Variants in SLC25A30 observed in about 807,000 individuals in gnomAD.
The protein encoded by SLC25A30 is solute carrier family 25 member 30.
In SLC25A30, 29 loss-of-function variants were observed where a neutral mutation model predicts 42.7. The ratio of observed to expected loss-of-function variants is 0.68; its 90% CI spans 0.51 to 0.93. The LOEUF is 0.93. Ranked by LOEUF, SLC25A30 falls within the 40% of genes least tolerant of loss-of-function variation. The pLI is 0.00. For synonymous variants in SLC25A30, 124 were observed against 131.0 expected (o/e 0.95, Z 0.37); for missense variants, 300 against 359.7 (o/e 0.83, Z 1.34).
At chr13:45,424,891 T>G in the SLC25A30 span, among the ~76,000 whole-genome samples, 55 of 36,346 alleles carry the variant, frequency 1.5e-3, 2 homozygotes, top group African/African-American at 5.3e-3. Flanking sequence ...TAAATATATA[T>G]TTAAATATAT....
chr13:45,397,590 G>A (rs1881480177), intron 8 of SLC25A30: 2 of 299,800 alleles, frequency 6.7e-6, no homozygotes, highest in African/African-American at 2.2e-5. Flanking sequence ...CAGCTACTCG[G>A]GAGGCTGAGG....
chr13:45,425,155 G>A, the SLC25A30 span, among the ~76,000 whole-genome samples: 17 of 44,764 alleles, frequency 3.8e-4, 1 homozygote, highest in African/African-American at 7.3e-4. Flanking sequence ...TAAATATATT[G>A]ATAAATATAT....
chr13:45,418,267 G>A (rs1883718549), intron 1 of SLC25A30, 33 bp downstream of exon 1: 2 of 152,456 alleles, frequency 1.3e-5, no homozygotes, highest in African/African-American at 4.8e-5. Context: ...GAGAAAGCGG[G>A]GCCGGCAGGA....
At chr13:45,422,442 C>T (rs1883911554), upstream of SLC25A30, among the ~76,000 whole-genome samples, 1 of 152,130 alleles carries the variant, frequency 6.6e-6, no homozygotes, top group Non-Finnish European at 1.5e-5. Context: ...CCTGGATAGG[C>T]CAGTGTTCCT....
chr13:45,411,525 A>T, intron 1 of SLC25A30, 45 bp from the exon 2 acceptor site: 2 of 1,227,632 alleles, frequency 1.6e-6, no homozygotes, highest in Non-Finnish European at 2.4e-6. Flanking sequence ...CTTCTCACAC[A>T]GGCAGTTTCT....
intron 7 of SLC25A30, among the ~76,000 whole-genome samples, 192 bp downstream of exon 7, chr13:45,400,891 C>A (rs565051930): frequency 6.6e-6 from 1 of 152,132 alleles, no homozygotes; most frequent in Non-Finnish European, 1.5e-5. Flanking sequence ...GACATATTTG[C>A]ATACACGTAG....
chr13:45,411,607 G>A (rs1883035471), intron 1 of SLC25A30, 127 bp from the exon 2 acceptor site: 2 of 608,784 alleles, frequency 3.3e-6, no homozygotes, highest in South Asian at 1.9e-5. Flanking sequence ...TTCCCAAGGG[G>A]AGCCTCCCCT....
intron 1 of SLC25A30, among the ~76,000 whole-genome samples, chr13:45,412,471 G>A (rs1044294177): frequency 6.6e-6 from 1 of 152,050 alleles, no homozygotes; most frequent in Admixed American, 6.6e-5. Flanking sequence ...CAGCTGTGAG[G>A]CAGTTTGGCA....
chr13:45,425,303 T>C, the SLC25A30 span, among the ~76,000 whole-genome samples: 2 of 98,430 alleles, frequency 2.0e-5, no homozygotes, highest in East Asian at 5.1e-4. Flanking sequence ...TATATACGTA[T>C]ATATAAATAT....
chr13:45,407,930 A>C (rs1265699921), intron 3 of SLC25A30, among the ~76,000 whole-genome samples: 1 of 152,148 alleles, frequency 6.6e-6, no homozygotes, highest in African/African-American at 2.4e-5. Flanking sequence ...CCTCATCCCC[A>C]AAACCAATTC....
the SLC25A30 span, among the ~76,000 whole-genome samples, chr13:45,427,236 C>T: frequency 5.3e-5 from 8 of 152,272 alleles, no homozygotes; most frequent in Middle Eastern, 6.8e-3. Context: ...ATCTTCCTGT[C>T]TCTCAATCCT....
the SLC25A30 span, among the ~76,000 whole-genome samples, chr13:45,425,340 A>T: frequency 1.8e-5 from 2 of 109,212 alleles, no homozygotes; most frequent in East Asian, 2.5e-4. Flanking sequence ...ATATATAAGT[A>T]TATATAACTA....
chr13:45,409,019 A>G lies in SLC25A30; in HGVS notation c.120T>C (p.Asn40=). 1 of 1,613,542 alleles carries G rather than the reference A, an allele frequency of 6.2e-7. No homozygotes were observed. Among genetic ancestry groups the G allele is most frequent in the African/African-American group, 1.3e-5 (1 of 75,026 alleles). The change falls in exon 3 of 10, where the codon AAT becomes AAC. Residue 40 remains asparagine, a synonymous_variant. Transcript: ENST00000519676. The part of the protein sequence containing the change: ...KTRLQIQGQT[N]DAKFKEIRYR... ...ATCTAATTTCCTTAAATTTTGCATC[A>G]TTCGTCTGGCCTTGAATCTGGAGCC... is the stretch of plus-strand genomic sequence containing the variant.
At chr13:45,425,265 TACGTATAC>T in the SLC25A30 span, among the ~76,000 whole-genome samples, 1 of 105,426 alleles carries the variant, frequency 9.5e-6, no homozygotes, top group Non-Finnish European at 1.7e-5. Context: ...TACGTATATA[TACGTATAC>T]ATATAAATAT....
chr13:45,408,819 C>G (rs1353659561), intron 3 of SLC25A30, 108 bp downstream of exon 3: 1 of 1,003,004 alleles, frequency 1.0e-6, no homozygotes, highest in African/African-American at 1.6e-5. Context: ...TTGTTCTTTT[C>G]AAACACACCT....
intron 1 of SLC25A30, among the ~76,000 whole-genome samples, chr13:45,416,639 T>TA: frequency 6.6e-6 from 1 of 151,930 alleles, no homozygotes; most frequent in East Asian, 1.9e-4. Flanking sequence ...GGTATGGTGG[T>TA]ACGCGACTCT....
At chr13:45,425,393 T>G in the SLC25A30 span, among the ~76,000 whole-genome samples, 3 of 111,616 alleles carry the variant, frequency 2.7e-5, no homozygotes, top group East Asian at 7.2e-4. Context: ...TATATGAAAA[T>G]ATATATGTAT....
At position 45,404,402 on chromosome 13, in the gene SLC25A30, T is replaced by C. The variant is rs1566206272; in HGVS notation, c.318A>G (p.Leu106=). ...LFIERPEDET[L]PINVICGILS... is the part of the protein sequence containing the mutation. The stretch of plus-strand genomic sequence containing the variant: ...GAATTCCACATATCACATTTATCGG[T>C]AGAGTTTCATCTGTAAACAATGACA... Residue 106 remains leucine, a synonymous_variant, in exon 5 of 10, where the codon CTA becomes CTG. Coordinates refer to ENST00000519676, the MANE Select transcript of SLC25A30 (RefSeq NM_001010875.4). 3.1e-6 allele frequency: 5 copies of C among 1,611,582 alleles called. No individual in the cohort carries two copies.
upstream of SLC25A30, among the ~76,000 whole-genome samples, chr13:45,419,717 G>A (rs909106788): frequency 2.6e-5 from 4 of 151,030 alleles, no homozygotes; most frequent in South Asian, 2.1e-4. Context: ...ATCACCTGAG[G>A]TCGGGAGTTC....
Sources: gnomAD v4.1 joint callset for allele counts (sites outside exome capture counted in the v4.1 genomes callset) on GRCh38, gnomAD v4.1.1 for gene constraint, MANE v1.5 for transcripts, NCBI Gene and HGNC (gene_info 2026-07-23, HGNC 2026-07-21) for gene names.